PDLIM5: variants seen among roughly 807,000 people sequenced by gnomAD.
PDLIM5 encodes PDZ and LIM domain protein 5.
Under a neutral mutation model 64.2 loss-of-function variants are expected in PDLIM5, and 34 were observed. The observed-to-expected ratio is 0.53, with a 90% confidence interval of 0.40 to 0.71. The LOEUF (loss-of-function observed/expected upper bound fraction) is 0.71. Ranked by LOEUF, PDLIM5 falls within the 30% of genes least tolerant of loss-of-function variation. The pLI, the probability that PDLIM5 is intolerant of heterozygous loss-of-function variation, is 0.00. For synonymous variants in PDLIM5, 253 were observed against 269.1 expected, an observed-to-expected ratio of 0.94 and a Z score of 0.59; for missense variants, 683 against 733.6, an observed-to-expected ratio of 0.93 and a Z score of 0.80.
intron 3 of PDLIM5, among the ~76,000 whole-genome samples, chr4:94,544,708 T>C (rs1560691889): frequency 1.3e-5 from 2 of 152,160 alleles, no homozygotes; most frequent in Non-Finnish European, 2.9e-5. Context: ...CAGGCTGGAG[T>C]GCAGTGGCAT....
intron 3 of PDLIM5, among the ~76,000 whole-genome samples, chr4:94,556,404 C>G (rs188527060): frequency 1.3e-5 from 2 of 152,252 alleles, no homozygotes; most frequent in Non-Finnish European, 2.9e-5. Context: ...GATTTATAAT[C>G]CTTTGGTTAT....
Position 94,552,006 on chromosome 4 carries a change from A to C in PDLIM5, c.249-21345A>C, listed in dbSNP as rs570740634. On this transcript the variant is annotated intron_variant, in intron 3 of 12. Transcript: ENST00000317968. ...GATATTACGTAGTAAAGTTTACTTA[A>C]ACTAAGGTAAGATTTTGGACTGTGC... 2.0e-5 allele frequency among the ~76,000 whole-genome samples: 3 copies of C among 152,300 alleles called. No homozygotes were observed. The East Asian group carries it at 5.8e-4, about 29-fold the overall frequency.
chr4:94,606,017 A>G (rs1332082804), intron 7 of PDLIM5, among the ~76,000 whole-genome samples: 1 of 151,994 alleles, frequency 6.6e-6, no homozygotes, highest in Non-Finnish European at 1.5e-5. Flanking sequence ...TCAAGTTATC[A>G]TGTGTCCACT....
chr4:94,650,640 A>G (rs1741770458), intron 9 of PDLIM5, among the ~76,000 whole-genome samples: 1 of 152,182 alleles, frequency 6.6e-6, no homozygotes. Flanking sequence ...CATTGGGATT[A>G]TTGTGAGAAT....
At position 94,665,413 on chromosome 4, in the gene PDLIM5, G is replaced by A. The variant is rs1029459231; in HGVS notation, c.*1346G>A. 32 of 452,562 alleles carry A rather than the reference G, an allele frequency of 7.1e-5. No homozygotes were observed. Among genetic ancestry groups the A allele is most frequent in the East Asian group, 1.5e-4 (1 of 6,454 alleles). 28.0% of individuals were successfully genotyped at this position (452,562 alleles called of 1,614,324 possible). A position where few individuals can be genotyped will look rare whatever the true frequency, so the allele number is the denominator to read the frequency against. ...AGGAAAATTCTTGAACCCAGGAGACGGAAGTTGCAGTGAGCTGAGATCACA... is the reference window on the plus strand; with the variant it reads ...AGGAAAATTCTTGAACCCAGGAGACAGAAGTTGCAGTGAGCTGAGATCACA... On this transcript the variant is annotated 3_prime_UTR_variant, in exon 13 of 13. Transcript: ENST00000317968.
intron 7 of PDLIM5, chr4:94,610,039 C>A: frequency 3.3e-6 from 2 of 598,130 alleles, no homozygotes; most frequent in Non-Finnish European, 5.7e-6. Context: ...ACACTTCTTA[C>A]ACTTCACACT....
intron 2 of PDLIM5, among the ~76,000 whole-genome samples, chr4:94,502,218 G>A (rs1313512594): frequency 6.6e-6 from 1 of 152,138 alleles, no homozygotes; most frequent in Non-Finnish European, 1.5e-5. Context: ...CATACCGAGA[G>A]TTAATCAGGG....
chr4:94,486,568 G>A (rs1428051640), intron 2 of PDLIM5, among the ~76,000 whole-genome samples: 1 of 152,148 alleles, frequency 6.6e-6, no homozygotes, highest in Non-Finnish European at 1.5e-5. Flanking sequence ...ACTCCTTGCA[G>A]TGCGGTCTAA....
At chr4:94,573,463 T>G (rs1734979334) in intron 4 of PDLIM5, 70 bp downstream of exon 4, 1 of 1,131,576 alleles carries the variant, frequency 8.8e-7, no homozygotes, top group East Asian at 2.3e-5. Flanking sequence ...TTCCCATTAC[T>G]GTCTCAGACC....
intron 2 of PDLIM5, among the ~76,000 whole-genome samples, chr4:94,507,105 C>A (rs1728459620): frequency 6.6e-6 from 1 of 152,082 alleles, no homozygotes; most frequent in Non-Finnish European, 1.5e-5. Flanking sequence ...GCTTTTGAGG[C>A]TTTTGAACTC....
At chr4:94,555,253 C>T (rs1733181332) in intron 3 of PDLIM5, among the ~76,000 whole-genome samples, 3 of 162 alleles carry the variant, frequency 0.019, no homozygotes, top group South Asian at 0.25. Flanking sequence ...GGGGTTTCCC[C>T]GCCATGTTGG....
intron 2 of PDLIM5, among the ~76,000 whole-genome samples, chr4:94,521,455 G>A (rs148332476): frequency 6.6e-6 from 1 of 152,106 alleles, no homozygotes; most frequent in African/African-American, 2.4e-5. Context: ...AATTTTCCTA[G>A]ATGTGGTACT....
At position 94,575,647 on chromosome 4, in the gene PDLIM5, C is replaced by G. The variant is rs765073817; in HGVS notation, c.323C>G (p.Pro108Arg). ...CCTAAAGAAGTAGTTAAACCTGTGCCCATTACATCTCCTGCTGTGTCCAAA... is the reference window on the plus strand; with the variant it reads ...CCTAAAGAAGTAGTTAAACCTGTGCGCATTACATCTCCTGCTGTGTCCAAA... Reference protein sequence around the residue: ...GEPKEVVKPVPITSPAVSKVT... With the variant: ...GEPKEVVKPVRITSPAVSKVT... The change falls in exon 5 of 13, where the codon CCC becomes CGC. Residue 108 changes from proline (P) to arginine (R), a missense_variant. Physicochemically the swap from Pro to Arg is moderately radical, Grantham distance 103 (BLOSUM62 -2). Transcript: ENST00000317968. 1.3e-4 allele frequency: 202 copies of G among 1,600,284 alleles called. No individual in the cohort carries two copies. The highest frequency in any genetic ancestry group is 1.7e-4 in the Non-Finnish European group (197 of 1,171,144).
chr4:94,458,128 A>T (rs1723542680), intron 2 of PDLIM5, among the ~76,000 whole-genome samples: 1 of 152,166 alleles, frequency 6.6e-6, no homozygotes, highest in Non-Finnish European at 1.5e-5. Flanking sequence ...TTTAATAACT[A>T]ATTTATATTG....
intron 7 of PDLIM5, among the ~76,000 whole-genome samples, chr4:94,601,360 G>A (rs936830880): frequency 6.6e-6 from 1 of 152,114 alleles, no homozygotes; most frequent in African/African-American, 2.4e-5. Context: ...TCTCCCAGAG[G>A]CCTCACCTCC....
At chr4:94,659,375 G>A (rs1249938566) in intron 11 of PDLIM5, among the ~76,000 whole-genome samples, 1 of 152,004 alleles carries the variant, frequency 6.6e-6, no homozygotes, top group Non-Finnish European at 1.5e-5. Context: ...AGTCACTGAA[G>A]CTAACTTGCT....
intron 7 of PDLIM5, chr4:94,610,209 A>G (rs967193376): frequency 7.2e-6 from 11 of 1,524,676 alleles, no homozygotes; most frequent in Middle Eastern, 1.7e-4. Flanking sequence ...AAGGTTTTCG[A>G]AACTTTTCTA....
chr4:94,468,891 A>G (rs1031697880), intron 2 of PDLIM5, among the ~76,000 whole-genome samples: 2 of 152,226 alleles, frequency 1.3e-5, no homozygotes, highest in Non-Finnish European at 2.9e-5. Flanking sequence ...GGCCTTGGAT[A>G]TAGAGTGTGC....
intron 7 of PDLIM5, among the ~76,000 whole-genome samples, chr4:94,599,428 C>T (rs184255781): frequency 1.3e-5 from 2 of 151,540 alleles, no homozygotes; most frequent in African/African-American, 4.8e-5. Flanking sequence ...CAATTTGGTA[C>T]AGTAAAAAAA....
Sources: allele counts gnomAD v4.1 joint callset (sites outside exome capture counted in the v4.1 genomes callset), GRCh38; gene constraint gnomAD v4.1.1; transcripts MANE v1.5; gene names NCBI Gene and HGNC (gene_info 2026-07-23, HGNC 2026-07-21).